The following FBN1 variants were observed in gnomAD, a reference collection of about 807,000 sequenced individuals.
The protein encoded by FBN1 is fibrillin 1.
In FBN1, 29 loss-of-function variants were observed where a neutral mutation model predicts 365.1. The observed-to-expected ratio is 0.08, with a 90% confidence interval of 0.06 to 0.11. The LOEUF (loss-of-function observed/expected upper bound fraction) is 0.11. Ranked by LOEUF, FBN1 falls within the 10% of genes least tolerant of loss-of-function variation. The pLI is 1.00. For synonymous variants in FBN1, 1,210 were observed against 1,270.5 expected, an observed-to-expected ratio of 0.95 and a Z score of 1.01; for missense variants, 2,476 against 3,703.2, an observed-to-expected ratio of 0.67 and a Z score of 8.60.
Position 48,603,371 on chromosome 15 carries a change from T to TTC in FBN1, c.347-3138_347-3137insGA, listed in dbSNP as rs398039510. Among the ~76,000 whole-genome samples, 3 of 51,214 alleles carry TTC rather than the reference T, an allele frequency of 5.9e-5. No homozygotes were observed. In the African/African-American group the frequency reaches 2.3e-3, roughly 40 times the overall value. The allele number at this position is 51,214 out of a possible 152,430, so 33.6% of individuals were successfully genotyped here. On this transcript the variant is annotated intron_variant, in intron 4 of 65. Transcript: ENST00000316623. ...TGCCACCGTGTTAACCATGGGAAACTGTATTCGTTGTGAGTCTTAGATCTT... is the reference window on the plus strand; with the variant it reads ...TGCCACCGTGTTAACCATGGGAAACTTCGTATTCGTTGTGAGTCTTAGATCTT...
intron 2 of FBN1, among the ~76,000 whole-genome samples, chr15:48,624,465 G>A (rs1416835726): frequency 6.6e-6 from 1 of 152,220 alleles, no homozygotes; most frequent in South Asian, 2.1e-4. Context: ...TTGGGTAAAA[G>A]TTGCTCCCAT....
At chr15:48,563,054 G>A (rs986682864) in intron 6 of FBN1, among the ~76,000 whole-genome samples, 9 of 152,176 alleles carry the variant, frequency 5.9e-5, no homozygotes, top group Non-Finnish European at 1.0e-4. Flanking sequence ...ATGAGAGACA[G>A]TGAATGAATG....
intron 63 of FBN1, among the ~76,000 whole-genome samples, chr15:48,419,277 T>C (rs888374171): frequency 6.6e-6 from 1 of 152,202 alleles, no homozygotes; most frequent in African/African-American, 2.4e-5. Context: ...TCCAGGACAC[T>C]AGTGCATGGC....
intron 30 of FBN1, among the ~76,000 whole-genome samples, chr15:48,484,206 T>A (rs1375242531): frequency 6.6e-6 from 1 of 152,186 alleles, no homozygotes; most frequent in Non-Finnish European, 1.5e-5. Flanking sequence ...TTAAAATCTT[T>A]CTTTCATTTA....
chr15:48,552,276 C>CT (rs71432262), intron 6 of FBN1, among the ~76,000 whole-genome samples: 19,152 of 139,940 alleles, frequency 0.14, 1,464 homozygotes, highest in East Asian at 0.34. Flanking sequence ...CTTTTTTTTT[C>CT]TTTTTTTTTT....
At chr15:48,543,592 C>T (rs2044074734) in intron 6 of FBN1, among the ~76,000 whole-genome samples, 2 of 152,166 alleles carry the variant, frequency 1.3e-5, no homozygotes, top group African/African-American at 4.8e-5. Context: ...GTAAATTACA[C>T]CACAAGGAAA....
At chr15:48,645,122 C>G (rs1227091210) in intron 1 of FBN1, among the ~76,000 whole-genome samples, 172 bp from the exon 2 acceptor site, 2 of 152,268 alleles carry the variant, frequency 1.3e-5, no homozygotes, top group African/African-American at 2.4e-5. Flanking sequence ...CCCAGGCCCC[C>G]GGCGGCAGCA....
At chr15:48,412,981 ATTTATCTC>A (rs1190078620) in intron 64 of FBN1, among the ~76,000 whole-genome samples, 2 of 152,184 alleles carry the variant, frequency 1.3e-5, no homozygotes, top group East Asian at 3.9e-4. Flanking sequence ...TTGGATATTT[ATTTATCTC>A]TTCATTCCCA....
chr15:48,641,935 G>T (rs985830678), intron 2 of FBN1: 1 of 152,176 alleles, frequency 6.6e-6, no homozygotes, highest in Admixed American at 6.5e-5. Flanking sequence ...GAAAGACTTT[G>T]ATCCAGCAAT....
At chr15:48,425,657 T>C in intron 59 of FBN1, 82 bp downstream of exon 59, 1 of 1,572,502 alleles carries the variant, frequency 6.4e-7, no homozygotes, top group Middle Eastern at 1.7e-4. Context: ...CACAGACTTT[T>C]TAGATTTTTA....
Position 48,444,630 on chromosome 15 carries a change from T to C in FBN1, c.5948A>G (p.Lys1983Arg). ...GTTTTGACAGGTACCTGGTGCACAT[T>C]TTCTGGGTTCTAGAAGACATTCATT... is the stretch of plus-strand genomic sequence containing the variant. ...DINECLLEPR[K>R]CAPGTCQNLD... The change falls in exon 49 of 66, where the codon AAA (lysine) becomes AGA (arginine). Residue 1983 changes from lysine to arginine, a missense_variant. Physicochemically the swap from Lys to Arg is conservative, Grantham distance 26. Around this residue, in one of 5 missense-constraint regions of FBN1, gnomAD observed 1,780 missense variants for 2,840.8 expected, o/e 0.63. Coordinates refer to ENST00000316623, the MANE Select transcript of FBN1 (RefSeq NM_000138.5). 6.2e-7 allele frequency: 1 copy of C among 1,613,618 alleles called. No homozygotes were observed. The highest frequency in any genetic ancestry group is 1.7e-4 in the Middle Eastern group (1 of 6,058).
At position 48,483,021 on chromosome 15, in the gene FBN1, T is replaced by G. The variant is rs370538834; in HGVS notation, c.3838+797A>C. 3.9e-5 allele frequency among the ~76,000 whole-genome samples: 6 copies of G among 152,286 alleles called. No individual in the cohort carries two copies. The East Asian group carries it at 1.2e-3, about 29-fold the overall frequency. On this transcript the variant is annotated intron_variant, in intron 31 of 65. Coordinates refer to ENST00000316623, the MANE Select transcript of FBN1 (RefSeq NM_000138.5). The stretch of plus-strand genomic sequence containing the variant: ...AGTAATTTACACTTCAGAACAAAGT[T>G]CAAAAATATTTCTAGGAATACAAAA...
chr15:48,602,999 C>T (rs1480056892), intron 4 of FBN1, among the ~76,000 whole-genome samples: 1 of 152,198 alleles, frequency 6.6e-6, no homozygotes, highest in East Asian at 1.9e-4. Flanking sequence ...TCCATTCCCA[C>T]ATGAGCAACA....
chr15:48,570,427 ATTTGT>A (rs1030426362), intron 6 of FBN1, among the ~76,000 whole-genome samples: 2 of 151,986 alleles, frequency 1.3e-5, no homozygotes, highest in Non-Finnish European at 2.9e-5. Context: ...CATGCAAAAA[ATTTGT>A]TTTGTGCCTC....
intron 2 of FBN1, among the ~76,000 whole-genome samples, chr15:48,624,908 G>A (rs1889846371): frequency 6.6e-6 from 1 of 152,220 alleles, no homozygotes; most frequent in Non-Finnish European, 1.5e-5. Flanking sequence ...AGAAGGAACT[G>A]GGGACTAAAA....
At chr15:48,428,033 G>A (rs1658586131) in intron 57 of FBN1, 1 of 674,488 alleles carries the variant, frequency 1.5e-6, no homozygotes, top group Non-Finnish European at 2.7e-6. Flanking sequence ...AGAAATACAG[G>A]GGAATAGCCA....
At chr15:48,607,902 C>T (rs560515706) in intron 4 of FBN1, among the ~76,000 whole-genome samples, 5 of 152,316 alleles carry the variant, frequency 3.3e-5, no homozygotes, top group Admixed American at 3.3e-4. Flanking sequence ...CATCTGTACC[C>T]TCAGAGACTG....
chr15:48,464,299 T>A (rs1342183569), intron 40 of FBN1, among the ~76,000 whole-genome samples: 3 of 152,098 alleles, frequency 2.0e-5, no homozygotes, highest in Non-Finnish European at 4.4e-5. Flanking sequence ...TCACTTGAGG[T>A]CAGGAGTTCC....
At chr15:48,526,894 T>G (rs1217637253) in intron 8 of FBN1, among the ~76,000 whole-genome samples, 1 of 152,236 alleles carries the variant, frequency 6.6e-6, no homozygotes, top group Non-Finnish European at 1.5e-5. Context: ...ACACACGGTC[T>G]TTGGCTCTCA....
Sources: gnomAD v4.1 joint callset for allele counts (sites outside exome capture counted in the v4.1 genomes callset) on GRCh38, gnomAD v4.1.1 for gene constraint, gnomAD v4.1.1 regional missense constraint, MANE v1.5 for transcripts, NCBI Gene and HGNC (gene_info 2026-07-23, HGNC 2026-07-21) for gene names.